NCOA3: variants seen among roughly 807,000 people sequenced by gnomAD.
NCOA3 encodes nuclear receptor coactivator 3.
Under a neutral mutation model 158.8 loss-of-function variants are expected in NCOA3, and 51 were observed. The observed-to-expected ratio is 0.32, with a 90% CI of 0.26 to 0.41. The LOEUF is 0.41. Ranked by LOEUF, NCOA3 falls within the 10% of genes least tolerant of loss-of-function variation. The probability of loss-of-function intolerance (pLI) is 1.00; values close to 1 mark genes in which losing one functional copy is unlikely to be tolerated. For synonymous variants in NCOA3, 537 were observed against 592.4 expected (o/e 0.91, Z 1.36); for missense variants, 1,510 against 1,746.6 (o/e 0.86, Z 2.41).
chr20:47,577,632 C>A (rs2085392283), intron 1 of NCOA3, among the ~76,000 whole-genome samples: 1 of 152,156 alleles, frequency 6.6e-6, no homozygotes. Flanking sequence ...TTCCCTTTTC[C>A]TAATTAATTG....
chr20:47,538,304 A>G (rs1455490955), intron 1 of NCOA3, among the ~76,000 whole-genome samples: 1 of 152,178 alleles, frequency 6.6e-6, no homozygotes, highest in Non-Finnish European at 1.5e-5. Context: ...GTAATTCACG[A>G]TGTGGTTTTT....
chr20:47,517,133 G>C (rs547020902), intron 1 of NCOA3, among the ~76,000 whole-genome samples: 2 of 152,262 alleles, frequency 1.3e-5, no homozygotes, highest in Admixed American at 6.5e-5. Flanking sequence ...CAGGAGAATT[G>C]CTTGAACCTT....
intron 1 of NCOA3, among the ~76,000 whole-genome samples, chr20:47,574,054 AGG>A (rs1369076546): frequency 6.6e-6 from 1 of 152,156 alleles, no homozygotes; most frequent in Non-Finnish European, 1.5e-5. Context: ...CTTCAGAAAA[AGG>A]GTGGGGAGCA....
chr20:47,606,513 TC>T (rs1341534068), intron 2 of NCOA3, among the ~76,000 whole-genome samples: 4 of 152,126 alleles, frequency 2.6e-5, no homozygotes, highest in African/African-American at 9.7e-5. Flanking sequence ...CTGAGGATTG[TC>T]CATGATGAAG....
At position 47,653,733 on chromosome 20, in the gene NCOA3, T is replaced by G. The variant is rs1376116155; in HGVS notation, c.*316T>G. On this transcript the variant is annotated 3_prime_UTR_variant, in exon 23 of 23. Coordinates refer to ENST00000371998, the MANE Select transcript of NCOA3 (RefSeq NM_181659.3). ...CTGATCATAAAACTTTTGTGTCACT[T>G]TTTTCTGCCTTGCTAGCCAAAATCT... The G allele has an allele frequency of 5.4e-6, 2 of 372,196 alleles. No homozygotes were observed. The highest frequency in any genetic ancestry group is 9.6e-6 in the Non-Finnish European group (2 of 208,740). 23.1% of individuals were successfully genotyped at this position (372,196 alleles called of 1,614,324 possible).
chr20:47,551,778 A>G (rs1192802375), intron 1 of NCOA3, among the ~76,000 whole-genome samples: 2 of 152,238 alleles, frequency 1.3e-5, no homozygotes, highest in Admixed American at 6.5e-5. Context: ...AGAAAGGGAA[A>G]AGAAGAATTT....
At chr20:47,602,752 A>G (rs922253385) in intron 2 of NCOA3, among the ~76,000 whole-genome samples, 3 of 152,202 alleles carry the variant, frequency 2.0e-5, no homozygotes, top group African/African-American at 4.8e-5. Flanking sequence ...GGTTTTTGAT[A>G]AGTCTAGTTT....
At chr20:47,633,792 G>A (rs1201677672) in intron 9 of NCOA3, among the ~76,000 whole-genome samples, 156 bp downstream of exon 9, 1 of 152,148 alleles carries the variant, frequency 6.6e-6, no homozygotes, top group Admixed American at 6.5e-5. Flanking sequence ...CACCATACCT[G>A]GTTTTGTGGT....
At chr20:47,560,061 C>T (rs914490933) in intron 1 of NCOA3, among the ~76,000 whole-genome samples, 1 of 152,146 alleles carries the variant, frequency 6.6e-6, no homozygotes, top group African/African-American at 2.4e-5. Context: ...GTTGGAATTA[C>T]AGGAGTGAGC....
chr20:47,509,323 G>C (rs1239968155), intron 1 of NCOA3, among the ~76,000 whole-genome samples: 1 of 152,332 alleles, frequency 6.6e-6, no homozygotes, highest in Middle Eastern at 3.4e-3. Context: ...GAGCCCAGGA[G>C]GTTGAGGGTG....
intron 2 of NCOA3, among the ~76,000 whole-genome samples, chr20:47,588,198 G>A (rs1436131854): frequency 7.6e-6 from 1 of 132,334 alleles, no homozygotes; most frequent in Non-Finnish European, 1.6e-5. Context: ...GCAGTGGTGC[G>A]ACCTTGGCTC....
chr20:47,572,466 A>T (rs1343061487), intron 1 of NCOA3, among the ~76,000 whole-genome samples: 2 of 152,020 alleles, frequency 1.3e-5, no homozygotes, highest in Non-Finnish European at 2.9e-5. Context: ...GTTTGGTGCA[A>T]GAGTCCTAGC....
chr20:47,560,833 ATTTT>A (rs11474964), intron 1 of NCOA3, among the ~76,000 whole-genome samples: 5 of 151,758 alleles, frequency 3.3e-5, no homozygotes, highest in Non-Finnish European at 1.5e-5. Context: ...TGATTTAAAA[ATTTT>A]TTTTATTTCA....
At chr20:47,619,180 A>T (rs1169874973) in intron 2 of NCOA3, among the ~76,000 whole-genome samples, 1 of 152,198 alleles carries the variant, frequency 6.6e-6, no homozygotes, top group African/African-American at 2.4e-5. Context: ...ACTTATATTT[A>T]ATAACAAAGG....
At chr20:47,525,475 G>A (rs964804763) in intron 1 of NCOA3, among the ~76,000 whole-genome samples, 2 of 150,306 alleles carry the variant, frequency 1.3e-5, no homozygotes, top group Non-Finnish European at 3.0e-5. Flanking sequence ...GGTGGTGGCC[G>A]GGCAGAGGGG....
At chr20:47,546,671 A>G (rs993609746) in intron 1 of NCOA3, among the ~76,000 whole-genome samples, 1 of 151,934 alleles carries the variant, frequency 6.6e-6, no homozygotes, top group Non-Finnish European at 1.5e-5. Context: ...TGCTGGGATT[A>G]CAGGCATGTG....
intron 1 of NCOA3, among the ~76,000 whole-genome samples, chr20:47,559,638 T>G (rs1232367025): frequency 6.6e-6 from 1 of 152,020 alleles, no homozygotes; most frequent in Admixed American, 6.5e-5. Context: ...CCCAGCACTT[T>G]GGGAGGCCGA....
intron 8 of NCOA3, chr20:47,630,746 G>C (rs1362477589): frequency 6.6e-6 from 1 of 152,230 alleles, no homozygotes; most frequent in East Asian, 1.9e-4. Flanking sequence ...ACAGGCACGA[G>C]CCACCGCGCC....
At chr20:47,524,731 A>G (rs2084399595) in intron 1 of NCOA3, among the ~76,000 whole-genome samples, 1 of 152,090 alleles carries the variant, frequency 6.6e-6, no homozygotes. Flanking sequence ...TGTCAGATTT[A>G]TCAGTAAGTT....
Sources: gnomAD v4.1 joint callset for allele counts (sites outside exome capture counted in the v4.1 genomes callset) on GRCh38, gnomAD v4.1.1 for gene constraint, MANE v1.5 for transcripts, NCBI Gene and HGNC (gene_info 2026-07-23, HGNC 2026-07-21) for gene names.